The following NWD2 variants were observed in gnomAD, a reference collection of about 807,000 sequenced individuals.
The protein encoded by NWD2 is NACHT and WD repeat domain-containing protein 2.
NWD2 carries 37 observed loss-of-function variants against 132.7 expected under a neutral mutation model. The observed-to-expected ratio is 0.28, with a 90% CI of 0.21 to 0.37. The LOEUF (loss-of-function observed/expected upper bound fraction) is 0.37. Among genes scored for constraint, NWD2 ranks in the 10% least tolerant of loss-of-function variants. The probability of loss-of-function intolerance (pLI) is 1.00; values close to 1 mark genes in which losing one functional copy is unlikely to be tolerated. For missense variants in NWD2, 1,592 were observed against 2,122.4 expected (o/e 0.75, Z 4.91); for synonymous variants, 705 against 803.0 (o/e 0.88, Z 2.06).
intron 1 of NWD2, among the ~76,000 whole-genome samples, chr4:37,265,014 C>T (rs73240346): frequency 0.16 from 24,523 of 151,972 alleles, 2,534 homozygotes; most frequent in South Asian, 0.32. Context: ...TGTAAATTGA[C>T]ATAAATTGAA....
intron 3 of NWD2, among the ~76,000 whole-genome samples, chr4:37,419,518 A>G (rs1711742677): frequency 6.6e-6 from 1 of 152,210 alleles, no homozygotes; most frequent in Admixed American, 6.5e-5. Context: ...CAGGGCTAAT[A>G]TCCAGAATCT....
At chr4:37,276,784 C>T (rs1452320549) in intron 1 of NWD2, among the ~76,000 whole-genome samples, 1 of 152,046 alleles carries the variant, frequency 6.6e-6, no homozygotes, top group Non-Finnish European at 1.5e-5. Context: ...GGCACATACA[C>T]CATGGAATAC....
At position 37,446,596 on chromosome 4, in the gene NWD2, A is replaced by G; in HGVS notation, c.4608A>G (p.Gly1536=). ...AGGACTTTGAAATTTCTCCCAATGG[A>G]AAGCTAGGCATTATAGCCAGGGGAG... ...NLEDFEISPN[G]KLGIIARGDE... The change falls in exon 7 of 7, where the codon GGA becomes GGG. Residue 1536 remains glycine (G), a synonymous_variant. Coordinates refer to ENST00000309447, the MANE Select transcript of NWD2 (RefSeq NM_001144990.2). The surrounding 1 kb of genome is among the most constrained non-coding windows in gnomAD (Gnocchi z 6.7). 6.4e-7 allele frequency: 1 copy of G among 1,551,710 alleles called. No homozygotes were observed. The highest frequency in any genetic ancestry group is 8.7e-7 in the Non-Finnish European group (1 of 1,146,980).
At chr4:37,272,184 A>G (rs1366465916) in intron 1 of NWD2, among the ~76,000 whole-genome samples, 2 of 151,714 alleles carry the variant, frequency 1.3e-5, no homozygotes, top group East Asian at 3.9e-4. Context: ...TTACCTTTTT[A>G]TATATTGCTG....
intron 1 of NWD2, among the ~76,000 whole-genome samples, chr4:37,310,187 TG>T (rs1422233751): frequency 1.3e-5 from 2 of 152,242 alleles, no homozygotes; most frequent in African/African-American, 2.4e-5. Flanking sequence ...AATCTAAAGC[TG>T]TCCTCAGATC....
At chr4:37,352,473 C>G (rs1007078715) in intron 2 of NWD2, among the ~76,000 whole-genome samples, 1 of 152,064 alleles carries the variant, frequency 6.6e-6, no homozygotes, top group South Asian at 2.1e-4. Flanking sequence ...GTTGAAGTCT[C>G]CTGCTATTAT....
Position 37,439,088 on chromosome 4 carries a change from C to A in NWD2, c.994C>A (p.Gln332Lys). Residue 332 changes from glutamine to lysine, a missense_variant, in exon 6 of 7, where the codon CAA becomes AAA. Physicochemically the swap from Gln to Lys is moderately conservative, Grantham distance 53. Transcript: ENST00000309447. The surrounding 1 kb of genome is among the most constrained non-coding windows in gnomAD (Gnocchi z 4.5). ...TTGTGACATGAAACTAGGCTACTCC[C>A]AAGAAATAGAAAATCATTACATCGA... ...THCDMKLGYSQEIENHYIEGL... is the reference protein window; with the variant it reads ...THCDMKLGYSKEIENHYIEGL... 2 of 1,551,752 alleles carry A rather than the reference C, an allele frequency of 1.3e-6. No individual in the cohort carries two copies. The highest frequency in any genetic ancestry group is 1.7e-6 in the Non-Finnish European group (2 of 1,146,994).
At chr4:37,424,819 C>T (rs1711946941) in intron 3 of NWD2, among the ~76,000 whole-genome samples, 1 of 152,200 alleles carries the variant, frequency 6.6e-6, no homozygotes, top group Admixed American at 6.5e-5. Flanking sequence ...ACACTGAGCT[C>T]ATCAACACCT....
intron 3 of NWD2, among the ~76,000 whole-genome samples, chr4:37,361,990 G>C: frequency 6.6e-6 from 1 of 151,898 alleles, no homozygotes; most frequent in East Asian, 1.9e-4. Flanking sequence ...CAAAATCTAT[G>C]TACAAAAATA....
At chr4:37,390,121 T>C (rs1470919338) in intron 3 of NWD2, among the ~76,000 whole-genome samples, 1 of 152,178 alleles carries the variant, frequency 6.6e-6, no homozygotes, top group Non-Finnish European at 1.5e-5. Context: ...AGTTTTGCTC[T>C]GTAGAGTTCA....
intron 1 of NWD2, among the ~76,000 whole-genome samples, chr4:37,250,818 A>C (rs2109254758): frequency 6.6e-6 from 1 of 152,318 alleles, no homozygotes; most frequent in Admixed American, 6.5e-5. Context: ...TAGTGTACTC[A>C]CACCAACCTA....
chr4:37,313,515 GTC>G (rs1560392232), intron 1 of NWD2, among the ~76,000 whole-genome samples: 19 of 87,880 alleles, frequency 2.2e-4, no homozygotes, highest in Non-Finnish European at 5.8e-4. Context: ...TGATTCTTCT[GTC>G]TTTTTTTCTT....
rs1712527795 is a variant in NWD2 at position 37,443,049 on chromosome 4, T to C, written c.1297-236T>C. On this transcript the variant is annotated intron_variant, in intron 6 of 6. Coordinates refer to ENST00000309447, the MANE Select transcript of NWD2 (RefSeq NM_001144990.2). This position sits in a 1 kb window ranked among gnomAD's most constrained non-coding sequence, Gnocchi z 4.1. ...GCCGAATGAGTGAAAAATACTATTA[T>C]TGCTACTTTAGTACACTCAGTAGGG... is the stretch of plus-strand genomic sequence containing the variant. 6.6e-6 allele frequency among the ~76,000 whole-genome samples: 1 copy of C among 152,092 alleles called. No homozygotes were observed. Among genetic ancestry groups the C allele is most frequent in the Non-Finnish European group, 1.5e-5 (1 of 68,030 alleles).
chr4:37,298,057 C>T (rs1718535588), intron 1 of NWD2, among the ~76,000 whole-genome samples: 1 of 152,016 alleles, frequency 6.6e-6, no homozygotes, highest in Non-Finnish European at 1.5e-5. Context: ...AAAGGAGGTA[C>T]TTATTGTTGG....
intron 1 of NWD2, among the ~76,000 whole-genome samples, chr4:37,281,333 T>C (rs920828021): frequency 2.6e-5 from 4 of 151,690 alleles, no homozygotes; most frequent in African/African-American, 7.2e-5. Flanking sequence ...TTGGGGAGTT[T>C]AGTAGAATCT....
chr4:37,371,326 T>A (rs73242344), intron 3 of NWD2, among the ~76,000 whole-genome samples: 2 of 151,976 alleles, frequency 1.3e-5, no homozygotes. Context: ...TCTGCCCTCC[T>A]TGGCCTCCCA....
chr4:37,299,437 T>C (rs1484877074), intron 1 of NWD2, among the ~76,000 whole-genome samples: 3 of 152,158 alleles, frequency 2.0e-5, no homozygotes, highest in Non-Finnish European at 4.4e-5. Context: ...ATTCTACTCA[T>C]TTTCAAGTAA....
At chr4:37,399,960 C>T (rs1260668333) in intron 3 of NWD2, among the ~76,000 whole-genome samples, 1 of 152,170 alleles carries the variant, frequency 6.6e-6, no homozygotes, top group Non-Finnish European at 1.5e-5. Flanking sequence ...ACCAGGTTTT[C>T]CTTTCTGAAA....
chr4:37,410,960 C>A (rs1360591715), intron 3 of NWD2, among the ~76,000 whole-genome samples: 1 of 152,142 alleles, frequency 6.6e-6, no homozygotes, highest in Non-Finnish European at 1.5e-5. Context: ...AATGAAGACA[C>A]AACATACCAG....
Sources: gnomAD v4.1 joint callset for allele counts (sites outside exome capture counted in the v4.1 genomes callset) on GRCh38, gnomAD v4.1.1 for gene constraint, Gnocchi (gnomAD v3.1) non-coding constraint, MANE v1.5 for transcripts, NCBI Gene and HGNC (gene_info 2026-07-23, HGNC 2026-07-21) for gene names.